The following CDH4 variants were observed in gnomAD, a reference collection of about 807,000 sequenced individuals.
CDH4 encodes the protein cadherin 4.
A neutral mutation model predicts 86.0 loss-of-function variants in CDH4; 33 were observed. The observed-to-expected ratio is 0.38, with a 90% CI of 0.29 to 0.51. The LOEUF (loss-of-function observed/expected upper bound fraction) is 0.51. Ranked by LOEUF, CDH4 falls within the 20% of genes least tolerant of loss-of-function variation. The probability of loss-of-function intolerance (pLI) is 0.86; values close to 1 mark genes in which losing one functional copy is unlikely to be tolerated. For synonymous variants in CDH4, 555 were observed against 549.4 expected (o/e 1.01, Z -0.14); for missense variants, 1,114 against 1,307.4 (o/e 0.85, Z 2.28).
chr20:61,787,419 C>T (rs948941353), intron 4 of CDH4, among the ~76,000 whole-genome samples: 4 of 152,142 alleles, frequency 2.6e-5, no homozygotes, highest in Admixed American at 2.6e-4. Context: ...CTTATAAAAC[C>T]ATCAGCTCTC....
intron 2 of CDH4, among the ~76,000 whole-genome samples, chr20:61,554,232 C>T (rs1223169465): frequency 6.6e-6 from 1 of 152,164 alleles, no homozygotes; most frequent in Non-Finnish European, 1.5e-5. Flanking sequence ...CCCTGATTTC[C>T]ATTTCCTTCT....
At chr20:61,732,328 T>TC (rs2088200757) in intron 2 of CDH4, among the ~76,000 whole-genome samples, 1 of 152,124 alleles carries the variant, frequency 6.6e-6, no homozygotes, top group African/African-American at 2.4e-5. Context: ...CTTTTGGAGT[T>TC]CAAGTCCCAG....
chr20:61,756,481 C>G (rs960478100), intron 3 of CDH4, among the ~76,000 whole-genome samples: 3 of 151,962 alleles, frequency 2.0e-5, no homozygotes, highest in Non-Finnish European at 4.4e-5. Flanking sequence ...CCACTACTCA[C>G]ATGGTCCATA....
intron 4 of CDH4, among the ~76,000 whole-genome samples, chr20:61,795,131 GGAA>G: frequency 1.3e-3 from 1 of 784 alleles, no homozygotes; most frequent in African/African-American, 4.7e-3. Context: ...TGGTGATGAT[GGAA>G]ATGATGGTAG....
intron 2 of CDH4, among the ~76,000 whole-genome samples, chr20:61,534,656 T>A (rs1431800104): frequency 7.7e-6 from 1 of 129,470 alleles, no homozygotes; most frequent in Non-Finnish European, 1.5e-5. Context: ...TTCTTTTCTT[T>A]CTTTCTTTCT....
rs6121654 is a variant in CDH4 at position 61,507,361 on chromosome 20, A to G, written c.170-236202A>G. 5.9e-3 allele frequency among the ~76,000 whole-genome samples: 903 copies of G among 152,270 alleles called. 8 individuals carry two copies. The highest frequency in any genetic ancestry group is 0.021 in the African/African-American group (868 of 41,552). ...AACAGCTACTTTGTAAGTAGATTTG[A>G]TTTATTTTTAGCTCTTATTGGAAGC... is the stretch of plus-strand genomic sequence containing the variant. On this transcript the variant is annotated intron_variant, in intron 2 of 15. Coordinates refer to ENST00000614565, the MANE Select transcript of CDH4 (RefSeq NM_001794.5).
At chr20:61,581,541 C>T (rs79269676) in intron 2 of CDH4, among the ~76,000 whole-genome samples, 2,374 of 152,252 alleles carry the variant, frequency 0.016, 67 homozygotes, top group African/African-American at 0.054. Flanking sequence ...GGGATGGTCC[C>T]TCCTCCACCC....
chr20:61,333,743 G>A (rs922966503), intron 2 of CDH4, among the ~76,000 whole-genome samples: 1 of 152,256 alleles, frequency 6.6e-6, no homozygotes, highest in East Asian at 1.9e-4. Flanking sequence ...GCATCGTGAT[G>A]TGGTTTACTG....
chr20:61,517,314 G>A lies in CDH4; in HGVS notation c.170-226249G>A, dbSNP rs1450669061. 6.6e-6 allele frequency among the ~76,000 whole-genome samples: 1 copy of A among 152,140 alleles called. No individual in the cohort carries two copies. The highest frequency in any genetic ancestry group is 6.5e-5 in the Admixed American group (1 of 15,286). On this transcript the variant is annotated intron_variant, in intron 2 of 15. Coordinates refer to ENST00000614565, the MANE Select transcript of CDH4 (RefSeq NM_001794.5). This position sits in a 1 kb window ranked among gnomAD's most constrained non-coding sequence, Gnocchi z 6.6. ...CTCAAGCGATCCTCCCACCTCCTGT[G>A]GGGCTGTGTAGCTGGGGCCACAGGT...
chr20:61,799,449 A>G (rs1979716506), intron 4 of CDH4, among the ~76,000 whole-genome samples: 1 of 152,222 alleles, frequency 6.6e-6, no homozygotes, highest in Non-Finnish European at 1.5e-5. Context: ...TTTGCATTTT[A>G]GAGTCGATCT....
chr20:61,364,787 C>T (rs1204494159), intron 2 of CDH4, among the ~76,000 whole-genome samples: 1 of 152,218 alleles, frequency 6.6e-6, no homozygotes, highest in Non-Finnish European at 1.5e-5. Flanking sequence ...GAGGCTGCCT[C>T]AGCAGAAGAC....
Position 61,810,604 on chromosome 20 carries a change from C to T in CDH4, c.577-34064C>T, listed in dbSNP as rs1289810482. Among the ~76,000 whole-genome samples the T allele has an allele frequency of 3.3e-5, 5 of 152,216 alleles. No individual in the cohort carries two copies. Among genetic ancestry groups the T allele is most frequent in the Admixed American group, 2.6e-4 (4 of 15,282 alleles). Reference sequence around the variant, plus strand: ...CCTCACCCTGCCTCCTGCCTCCCGCCCTGCTCCCATCCACCACTACCAACA... The same window carrying T: ...CCTCACCCTGCCTCCTGCCTCCCGCTCTGCTCCCATCCACCACTACCAACA... On this transcript the variant is annotated intron_variant, in intron 4 of 15. Transcript: ENST00000614565. The surrounding 1 kb of genome is among the most constrained non-coding windows in gnomAD (Gnocchi z 4.3).
intron 2 of CDH4, among the ~76,000 whole-genome samples, chr20:61,736,531 C>A (rs1307328557): frequency 6.6e-6 from 1 of 152,058 alleles, no homozygotes; most frequent in East Asian, 1.9e-4. Flanking sequence ...GCTCCACTGG[C>A]AGTCTCTGTG....
At chr20:61,877,451 G>A (rs1292614283) in intron 7 of CDH4, among the ~76,000 whole-genome samples, 5 of 150,936 alleles carry the variant, frequency 3.3e-5, no homozygotes, top group Non-Finnish European at 7.4e-5. Context: ...CATTAGAGGT[G>A]TGGTTGACAG....
At chr20:61,432,035 C>T (rs1426965571) in intron 2 of CDH4, among the ~76,000 whole-genome samples, 2 of 152,174 alleles carry the variant, frequency 1.3e-5, no homozygotes, top group African/African-American at 2.4e-5. Context: ...TCTCTGTATC[C>T]GTTCCCCTTC....
At chr20:61,492,214 TTGA>T (rs1450825617) in intron 2 of CDH4, among the ~76,000 whole-genome samples, 4 of 151,956 alleles carry the variant, frequency 2.6e-5, no homozygotes, top group Non-Finnish European at 5.9e-5. Context: ...ATTGGTGGTG[TTGA>T]TATTGTTGAT....
chr20:61,408,410 C>T (rs1357912458), intron 2 of CDH4, among the ~76,000 whole-genome samples: 1 of 152,138 alleles, frequency 6.6e-6, no homozygotes, highest in Non-Finnish European at 1.5e-5. Context: ...ATCTGGACCT[C>T]AGACTTGGAC....
intron 2 of CDH4, among the ~76,000 whole-genome samples, chr20:61,487,838 T>G (rs6121640): frequency 0.015 from 2,305 of 152,306 alleles, 60 homozygotes; most frequent in African/African-American, 0.054. Flanking sequence ...ATTCAAAGTG[T>G]CAAAGTCTTG....
chr20:61,602,504 A>C (rs1186704898), intron 2 of CDH4, among the ~76,000 whole-genome samples: 1 of 151,978 alleles, frequency 6.6e-6, no homozygotes, highest in South Asian at 2.1e-4. Flanking sequence ...AATCAATAAT[A>C]ATAACAGTAA....
Sources: gnomAD v4.1 joint callset for allele counts (sites outside exome capture counted in the v4.1 genomes callset) on GRCh38, gnomAD v4.1.1 for gene constraint, Gnocchi (gnomAD v3.1) non-coding constraint, MANE v1.5 for transcripts, NCBI Gene and HGNC (gene_info 2026-07-23, HGNC 2026-07-21) for gene names.